FANK1: variants seen among roughly 807,000 people sequenced by gnomAD.
The protein encoded by FANK1 is fibronectin type 3 and ankyrin repeat domains protein 1.
A neutral mutation model predicts 45.3 loss-of-function variants in FANK1; 44 were observed. That is an observed-to-expected ratio of 0.97 (90% confidence interval 0.76 to 1.25). The LOEUF (loss-of-function observed/expected upper bound fraction) is 1.25, where lower values mean the gene tolerates loss of function less well. FANK1 is among the 50% of genes most tolerant of loss of function. FANK1 has a pLI of 0.00. For missense variants in FANK1, 391 were observed against 424.4 expected (o/e 0.92, Z 0.69); for synonymous variants, 149 against 152.5 (o/e 0.98, Z 0.17).
At chr10:125,926,682 C>T (rs1404376550) in intron 1 of FANK1, among the ~76,000 whole-genome samples, 4 of 152,076 alleles carry the variant, frequency 2.6e-5, no homozygotes, top group Admixed American at 1.3e-4. Flanking sequence ...ATACGTTTCA[C>T]GTTTGTTTAG....
At chr10:125,919,195 ATTT>A (rs142716284) in intron 1 of FANK1, among the ~76,000 whole-genome samples, 1,480 of 51,798 alleles carry the variant, frequency 0.029, 11 homozygotes, top group African/African-American at 0.1. Flanking sequence ...GGAGGTAAGA[ATTT>A]TTTTTTTTTT....
intron 1 of FANK1, among the ~76,000 whole-genome samples, chr10:125,962,165 G>A (rs1304306167): frequency 6.6e-6 from 1 of 152,118 alleles, no homozygotes; most frequent in East Asian, 1.9e-4. Flanking sequence ...TACTTTAAAG[G>A]CATCTCTACT....
At position 125,959,413 on chromosome 10, in the gene FANK1, CA is replaced by C. The variant is rs767754151; in HGVS notation, c.14-20728del. On this transcript the variant is annotated intron_variant, in intron 1 of 10. Transcript: ENST00000368693. ...TGAGTGACAGAATGAGACTCTGTCT[CA>C]AAAAAAAAAAAAAAAAAAAGATACG... Among the ~76,000 whole-genome samples, 512 of 74,708 alleles carry C rather than the reference CA, an allele frequency of 6.9e-3. 21 individuals are homozygous for C. In the East Asian group the frequency reaches 0.13, roughly 19 times the overall value. 49.0% of individuals were successfully genotyped at this position (74,708 alleles called of 152,430 possible). A position where few individuals can be genotyped will look rare whatever the true frequency, so the allele number is the denominator to read the frequency against.
At chr10:125,945,008 C>G (rs183477446) in intron 1 of FANK1, among the ~76,000 whole-genome samples, 1 of 152,180 alleles carries the variant, frequency 6.6e-6, no homozygotes, top group Non-Finnish European at 1.5e-5. Context: ...CCACACCTTC[C>G]ACTGTTCTTC....
chr10:125,998,768 G>A (rs781310280), intron 6 of FANK1, among the ~76,000 whole-genome samples: 3 of 152,046 alleles, frequency 2.0e-5, no homozygotes, highest in Non-Finnish European at 4.4e-5. Context: ...AATTTAAACC[G>A]CCAAGTCAAC....
intron 6 of FANK1, among the ~76,000 whole-genome samples, chr10:126,000,244 C>T (rs1201486778): frequency 6.6e-6 from 1 of 152,148 alleles, no homozygotes; most frequent in African/African-American, 2.4e-5. Flanking sequence ...TCTTGGGAAC[C>T]TGTCAAAATG....
intron 1 of FANK1, among the ~76,000 whole-genome samples, chr10:125,974,399 T>A (rs535342335): frequency 3.9e-4 from 59 of 152,264 alleles, no homozygotes; most frequent in Non-Finnish European, 5.9e-4. Context: ...CCTTTTTTTT[T>A]AAATGAACAA....
At chr10:125,909,570 A>G (rs1047775923) in intron 1 of FANK1, among the ~76,000 whole-genome samples, 1 of 149,994 alleles carries the variant, frequency 6.7e-6, no homozygotes, top group Non-Finnish European at 1.5e-5. Flanking sequence ...GCTATAGTGC[A>G]GTGATGAATC....
At chr10:125,976,058 A>C (rs1950833378) in intron 1 of FANK1, among the ~76,000 whole-genome samples, 1 of 151,908 alleles carries the variant, frequency 6.6e-6, no homozygotes, top group South Asian at 2.1e-4. Flanking sequence ...CCTGAAAAGG[A>C]TCTTGTTTCT....
At chr10:125,987,057 T>A (rs901079429) in intron 2 of FANK1, among the ~76,000 whole-genome samples, 4 of 152,170 alleles carry the variant, frequency 2.6e-5, no homozygotes, top group Admixed American at 6.5e-5. Context: ...TTCAAGTGTT[T>A]ATTAGTGATG....
intron 1 of FANK1, among the ~76,000 whole-genome samples, chr10:125,950,375 A>G (rs937402060): frequency 6.1e-5 from 9 of 148,172 alleles, no homozygotes; most frequent in African/African-American, 2.2e-4. Flanking sequence ...CATCTGACAA[A>G]GGGCTAATAT....
chr10:125,987,373 C>T (rs548586487), intron 2 of FANK1, among the ~76,000 whole-genome samples: 1 of 151,460 alleles, frequency 6.6e-6, no homozygotes, highest in Admixed American at 6.6e-5. Context: ...TTTGGAGGAT[C>T]TATTGAGAAT....
chr10:125,945,078 G>T (rs1190587238), intron 1 of FANK1, among the ~76,000 whole-genome samples: 1 of 152,110 alleles, frequency 6.6e-6, no homozygotes, highest in Non-Finnish European at 1.5e-5. Context: ...ACGGTAAAGT[G>T]CATTATAATT....
intron 1 of FANK1, chr10:125,974,919 C>T (rs1950763646): frequency 6.6e-6 from 1 of 152,074 alleles, no homozygotes. Context: ...ATATGAGTCA[C>T]AGGAGTTTGT....
chr10:125,974,964 C>T (rs1335166975), intron 1 of FANK1: 1 of 152,136 alleles, frequency 6.6e-6, no homozygotes, highest in Non-Finnish European at 1.5e-5. Context: ...GTAATACGCT[C>T]AATACCCAAT....
chr10:125,978,974 G>A (rs34203433), intron 1 of FANK1, among the ~76,000 whole-genome samples: 60,381 of 152,094 alleles, frequency 0.4, 12,165 homozygotes, highest in South Asian at 0.46. Context: ...GTGCCTGAGC[G>A]GCTGCTCTGC....
At chr10:125,925,133 A>C (rs1205637858) in intron 1 of FANK1, among the ~76,000 whole-genome samples, 1 of 152,038 alleles carries the variant, frequency 6.6e-6, no homozygotes, top group Admixed American at 6.6e-5. Context: ...CATAGTTTTA[A>C]ATCTTCATCC....
chr10:125,936,862 G>T (rs969479526), intron 1 of FANK1, among the ~76,000 whole-genome samples: 2 of 152,114 alleles, frequency 1.3e-5, no homozygotes, highest in Admixed American at 6.6e-5. Flanking sequence ...GAGGTTGGGA[G>T]TTGGAGACCA....
chr10:125,961,717 C>A (rs76925120), intron 1 of FANK1, among the ~76,000 whole-genome samples: 6,010 of 152,230 alleles, frequency 0.039, 161 homozygotes, highest in East Asian at 0.089. Context: ...CAAAAGCAGT[C>A]AACAAATCAC....
Sources: gnomAD v4.1 joint callset for allele counts (sites outside exome capture counted in the v4.1 genomes callset) on GRCh38, gnomAD v4.1.1 for gene constraint, MANE v1.5 for transcripts, NCBI Gene and HGNC (gene_info 2026-07-23, HGNC 2026-07-21) for gene names.